The following BRAP variants were observed in gnomAD, a reference collection of about 807,000 sequenced individuals.
BRAP encodes the protein BRCA1 associated protein, also known as BRCA1-associated protein.
BRAP carries 42 observed loss-of-function variants against 73.4 expected under a neutral mutation model. That is an observed-to-expected ratio of 0.57 (90% confidence interval 0.45 to 0.74). BRAP has a LOEUF of 0.74. BRAP is among the 30% of genes least tolerant of loss of function. The pLI is 0.00. For synonymous variants in BRAP, 255 were observed against 267.4 expected, an observed-to-expected ratio of 0.95 and a Z score of 0.45; for missense variants, 593 against 751.4, an observed-to-expected ratio of 0.79 and a Z score of 2.46.
chr12:111,652,060 C>T (rs1957975401), intron 10 of BRAP, among the ~76,000 whole-genome samples: 1 of 152,082 alleles, frequency 6.6e-6, no homozygotes, highest in Admixed American at 6.6e-5. Flanking sequence ...GCACTAGATC[C>T]TTTTGAAATT....
chr12:111,675,015 C>T (rs2135924989), intron 4 of BRAP, among the ~76,000 whole-genome samples: 1 of 152,270 alleles, frequency 6.6e-6, no homozygotes, highest in South Asian at 2.1e-4. Flanking sequence ...TGACCAAAAC[C>T]ATTCAATGAA....
At chr12:111,670,275 C>G in intron 5 of BRAP, 1 of 586,468 alleles carries the variant, frequency 1.7e-6, no homozygotes, top group Non-Finnish European at 3.3e-6. Flanking sequence ...CTGGAAGAAA[C>G]AGTTTTAGTT....
intron 9 of BRAP, among the ~76,000 whole-genome samples, chr12:111,657,490 C>A (rs1474219853): frequency 6.6e-6 from 1 of 152,156 alleles, no homozygotes; most frequent in African/African-American, 2.4e-5. Flanking sequence ...TACTATCAGA[C>A]CTTTAAGAGT....
In BRAP at chr12:111,660,692, A is replaced by G; in HGVS notation, c.897-17T>C. On this transcript the variant is annotated splice_polypyrimidine_tract_variant and intron_variant, in intron 6 of 11. Coordinates refer to ENST00000419234, the MANE Select transcript of BRAP (RefSeq NM_006768.5). ...ACAGGACACCTATCCAGGACACCAA[A>G]AGATAATGGTGCAGGTTAAATATAA... is the stretch of plus-strand genomic sequence containing the variant. The G allele has an allele frequency of 6.3e-7, 1 of 1,589,610 alleles. No individual in the cohort carries two copies. Among genetic ancestry groups the G allele is most frequent in the Non-Finnish European group, 8.5e-7 (1 of 1,170,162 alleles).
intron 5 of BRAP, among the ~76,000 whole-genome samples, chr12:111,670,956 C>T (rs1276444056): frequency 6.6e-6 from 1 of 151,906 alleles, no homozygotes; most frequent in Non-Finnish European, 1.5e-5. Flanking sequence ...AAAAAGTAGC[C>T]GGGAGTGATG....
chr12:111,666,853 AG>A (rs1886964156), intron 5 of BRAP, among the ~76,000 whole-genome samples: 7 of 152,236 alleles, frequency 4.6e-5, no homozygotes, highest in Admixed American at 2.0e-4. Flanking sequence ...CGTTCATTTA[AG>A]AAAGGAATCT....
chr12:111,648,754 A>G (rs1434147215), intron 11 of BRAP, among the ~76,000 whole-genome samples: 4 of 151,802 alleles, frequency 2.6e-5, no homozygotes, highest in African/African-American at 7.3e-5. Context: ...GTGAAACCCC[A>G]TCTCTACTAA....
rs538724411 is a variant in BRAP at position 111,662,507 on chromosome 12, G to A, written c.897-1832C>T. Among the ~76,000 whole-genome samples the A allele has an allele frequency of 1.0e-3, 154 of 151,874 alleles. 1 individual carries two copies. Among genetic ancestry groups the A allele is most frequent in the African/African-American group, 3.3e-3 (137 of 41,408 alleles). On this transcript the variant is annotated intron_variant, in intron 6 of 11. Coordinates refer to ENST00000419234, the MANE Select transcript of BRAP (RefSeq NM_006768.5). ...AGAGGTTGTGGTGAGCTGAGATTGCGCCATTGCACTCCAGCCTGGGCAACA... is the reference window on the plus strand; with the variant it reads ...AGAGGTTGTGGTGAGCTGAGATTGCACCATTGCACTCCAGCCTGGGCAACA...
rs1887668034 is a variant in BRAP at position 111,683,160 on chromosome 12, A to G, written c.230T>C (p.Met77Thr). 3 of 1,613,742 alleles carry G rather than the reference A, an allele frequency of 1.9e-6. No homozygotes were observed. Among genetic ancestry groups the G allele is most frequent in the African/African-American group, 2.7e-5 (2 of 75,038 alleles). The change falls in exon 2 of 12, where the codon ATG becomes ACG. Residue 77 changes from methionine (M) to threonine (T), a missense_variant. This residue lies in a region of BRAP where 304 missense variants were observed against 337.7 expected (regional missense o/e 0.90). Coordinates refer to ENST00000419234, the MANE Select transcript of BRAP (RefSeq NM_006768.5). ...AGAAAGCATACCTGGGTTGGACTTC[A>G]TGGTCTCAATGATCACATCTGTCAT... ...REMTDVIIET[M>T]KSNPDELKTT...
Position 111,672,278 on chromosome 12 carries a change from C to T in BRAP, c.747+383G>A, listed in dbSNP as rs78054139. ...AACATTTATTTTCAGCTCCAGGCTT[C>T]GTTGATCTAGAATTGATAAACACTC... is the stretch of plus-strand genomic sequence containing the variant. On this transcript the variant is annotated intron_variant, in intron 5 of 11. Transcript: ENST00000419234. Among the ~76,000 whole-genome samples, 619 of 152,128 alleles carry T rather than the reference C, an allele frequency of 4.1e-3. 6 individuals carry two copies. Among genetic ancestry groups the T allele is most frequent in the African/African-American group, 0.014 (598 of 41,520 alleles).
chr12:111,657,514 A>G (rs1886578750), intron 9 of BRAP, among the ~76,000 whole-genome samples: 1 of 152,194 alleles, frequency 6.6e-6, no homozygotes, highest in Non-Finnish European at 1.5e-5. Context: ...GAAATGAGCA[A>G]GTTTTCAAAT....
chr12:111,658,228 A>G (rs1886604545), intron 9 of BRAP, among the ~76,000 whole-genome samples: 1 of 150,600 alleles, frequency 6.6e-6, no homozygotes, highest in Non-Finnish European at 1.5e-5. Context: ...CACTGCACCC[A>G]GCTGACATTT....
rs966007957 is a variant in BRAP at position 111,665,119 on chromosome 12, T to C, written c.896+520A>G. On this transcript the variant is annotated intron_variant, in intron 6 of 11. Transcript: ENST00000419234. This position sits in a 1 kb window ranked among gnomAD's most constrained non-coding sequence, Gnocchi z 4.3. ...AAAAGGTACAGGCCTTACCTGTTCT[T>C]TGTCTGTAGCAACATCACCTATGAC... 6.6e-6 allele frequency among the ~76,000 whole-genome samples: 1 copy of C among 152,204 alleles called. No individual in the cohort carries two copies. Among genetic ancestry groups the C allele is most frequent in the African/African-American group, 2.4e-5 (1 of 41,460 alleles).
chr12:111,666,776 G>A (rs2135914803), intron 5 of BRAP, among the ~76,000 whole-genome samples: 1 of 152,296 alleles, frequency 6.6e-6, no homozygotes. Flanking sequence ...CTTATGGACA[G>A]AGAAAAAGCA....
At chr12:111,659,417 G>T in intron 7 of BRAP, 72 bp from the exon 8 acceptor site, 1 of 1,451,144 alleles carries the variant, frequency 6.9e-7, no homozygotes, top group Non-Finnish European at 9.3e-7. Context: ...TGGCTCGGAG[G>T]CCGAGGCAGA....
At position 111,658,951 on chromosome 12, in the gene BRAP, CA is replaced by C. The variant is rs1479017773; in HGVS notation, c.1112-107del. On this transcript the variant is annotated intron_variant, in intron 8 of 11. Coordinates refer to ENST00000419234, the MANE Select transcript of BRAP (RefSeq NM_006768.5). ...TTTCAGATCTAATTTAAATGCCTTACAATATTTCTTTAAAAGTGTCAAATCA... is the reference window on the plus strand; with the variant it reads ...TTTCAGATCTAATTTAAATGCCTTACATATTTCTTTAAAAGTGTCAAATCA... The C allele has an allele frequency of 4.5e-6, 4 of 895,674 alleles. No individual in the cohort carries two copies. In the African/African-American group the frequency reaches 6.8e-5, roughly 15 times the overall value. The allele number at this position is 895,674 out of a possible 1,614,324, so 55.5% of individuals were successfully genotyped here.
chr12:111,670,575 C>T (rs1015410087), intron 5 of BRAP, among the ~76,000 whole-genome samples: 5 of 152,170 alleles, frequency 3.3e-5, no homozygotes, highest in Non-Finnish European at 5.9e-5. Context: ...CTCACTGCAA[C>T]CTCGGCCTCC....
At chr12:111,679,405 C>T (rs1289902271) in intron 3 of BRAP, 65 bp from the exon 4 acceptor site, 2 of 1,157,694 alleles carry the variant, frequency 1.7e-6, no homozygotes, top group Non-Finnish European at 2.3e-6. Context: ...CAATACTAGA[C>T]AACTTTTATG....
chr12:111,685,260 G>C (rs1887768403), intron 1 of BRAP, among the ~76,000 whole-genome samples: 1 of 152,248 alleles, frequency 6.6e-6, no homozygotes, highest in Non-Finnish European at 1.5e-5. Context: ...AAGGTGCTTA[G>C]TACAGTGCTG....
Sources: gnomAD v4.1 joint callset for allele counts (sites outside exome capture counted in the v4.1 genomes callset) on GRCh38, gnomAD v4.1.1 for gene constraint, gnomAD v4.1.1 regional missense constraint, Gnocchi (gnomAD v3.1) non-coding constraint, MANE v1.5 for transcripts, NCBI Gene and HGNC (gene_info 2026-07-23, HGNC 2026-07-21) for gene names.